The following MYL10 variants were observed in gnomAD, a reference collection of about 807,000 sequenced individuals.
MYL10 encodes myosin light chain 10.
In MYL10, 18 loss-of-function variants were observed where a neutral mutation model predicts 21.9. The observed-to-expected ratio is 0.82, with a 90% CI of 0.57 to 1.22. The LOEUF is 1.22. Ranked by LOEUF, MYL10 falls within the 50% of genes most tolerant of loss-of-function variation. The pLI, the probability that MYL10 is intolerant of heterozygous loss-of-function variation, is 0.00. For synonymous variants in MYL10, 88 were observed against 82.8 expected, an observed-to-expected ratio of 1.06 and a Z score of -0.34; for missense variants, 225 against 230.4, an observed-to-expected ratio of 0.98 and a Z score of 0.15.
chr7:101,622,919 C>A, intron 4 of MYL10, 78 bp downstream of exon 4: 2 of 1,358,032 alleles, frequency 1.5e-6, no homozygotes, highest in Non-Finnish European at 1.0e-6. Flanking sequence ...TCACCGCGAG[C>A]CCTGCCCTGC....
intron 1 of MYL10, among the ~76,000 whole-genome samples, chr7:101,627,159 TGTGGTGGC>T (rs1796755824): frequency 6.8e-6 from 1 of 147,328 alleles, no homozygotes; most frequent in South Asian, 2.1e-4. Context: ...AATAGCCATG[TGTGGTGGC>T]GGGCGCCTGT....
chr7:101,623,174 G>A, intron 3 of MYL10, 102 bp from the exon 4 acceptor site: 1 of 1,074,922 alleles, frequency 9.3e-7, no homozygotes, highest in East Asian at 2.6e-5. Context: ...GAGCCTCGGG[G>A]CAGGTCCCTC....
chr7:101,618,501 C>T (rs1282469668), intron 5 of MYL10, among the ~76,000 whole-genome samples: 1 of 152,206 alleles, frequency 6.6e-6, no homozygotes, highest in Non-Finnish European at 1.5e-5. Context: ...ATTTAGGCAC[C>T]CAGCGCAGCC....
At chr7:101,622,427 C>A (rs780990077) in intron 4 of MYL10, among the ~76,000 whole-genome samples, 1 of 152,138 alleles carries the variant, frequency 6.6e-6, no homozygotes, top group Non-Finnish European at 1.5e-5. Flanking sequence ...CCCCATTTTA[C>A]GGTGAAGAAA....
At chr7:101,618,756 T>G (rs985596690) in intron 5 of MYL10, among the ~76,000 whole-genome samples, 1 of 152,006 alleles carries the variant, frequency 6.6e-6, no homozygotes, top group Non-Finnish European at 1.5e-5. Flanking sequence ...TCTGGCCACG[T>G]CTGCATGACA....
intron 5 of MYL10, among the ~76,000 whole-genome samples, chr7:101,620,378 G>A (rs1225286111): frequency 6.6e-6 from 1 of 152,120 alleles, no homozygotes; most frequent in African/African-American, 2.4e-5. Flanking sequence ...AAATAGAAGA[G>A]GGCGGGGCCA....
intron 3 of MYL10, among the ~76,000 whole-genome samples, 159 bp downstream of exon 3, chr7:101,623,761 C>G (rs1014810473): frequency 4.6e-5 from 7 of 150,564 alleles, no homozygotes; most frequent in Non-Finnish European, 1.0e-4. Flanking sequence ...GGCACTGTGG[C>G]TCACGTCTGT....
Position 101,624,387 on chromosome 7 carries a change from C to T in MYL10, c.79-123G>A, listed in dbSNP as rs141857319. ...ACCGCTTTGCCCTTCCCGGTGCCTA[C>T]AGCAGACAGACAAGGCTACCCCTGA... On this transcript the variant is annotated intron_variant, in intron 1 of 7. Coordinates refer to ENST00000223167, the MANE Select transcript of MYL10 (RefSeq NM_138403.5). 202 of 667,738 alleles carry T rather than the reference C, an allele frequency of 3.0e-4. 1 individual carries two copies. Among genetic ancestry groups the T allele is most frequent in the Non-Finnish European group, 4.5e-4 (174 of 390,706 alleles). The allele number at this position is 667,738 out of a possible 1,614,324, so 41.4% of individuals were successfully genotyped here. A position where few individuals can be genotyped will look rare whatever the true frequency, so the allele number is the denominator to read the frequency against.
chr7:101,627,217 C>T (rs1051353842), intron 1 of MYL10, among the ~76,000 whole-genome samples: 3 of 151,714 alleles, frequency 2.0e-5, no homozygotes, highest in Admixed American at 1.3e-4. Flanking sequence ...GAACCTCACT[C>T]GAAGCCAGGA....
chr7:101,621,148 C>T (rs1796672718), intron 5 of MYL10, among the ~76,000 whole-genome samples: 1 of 152,040 alleles, frequency 6.6e-6, no homozygotes, highest in South Asian at 2.1e-4. Flanking sequence ...TGGGAGAGCT[C>T]CCCCGAGGCC....
intron 1 of MYL10, among the ~76,000 whole-genome samples, chr7:101,624,551 GA>G (rs1330608564): frequency 7.9e-5 from 12 of 152,218 alleles, no homozygotes; most frequent in Non-Finnish European, 1.5e-4. Flanking sequence ...CCGTGCTGCA[GA>G]ACAGAGGCGG....
At chr7:101,615,259 C>CA (rs1218564182) in intron 6 of MYL10, among the ~76,000 whole-genome samples, 2 of 152,148 alleles carry the variant, frequency 1.3e-5, no homozygotes, top group Non-Finnish European at 2.9e-5. Context: ...ATCCTATGGG[C>CA]ACTGGCCCCT....
At chr7:101,615,134 G>C (rs1422820548) in intron 6 of MYL10, among the ~76,000 whole-genome samples, 5 of 152,254 alleles carry the variant, frequency 3.3e-5, no homozygotes, top group Non-Finnish European at 5.9e-5. Context: ...GCTGCCTGCA[G>C]CCACTTCCCC....
intron 6 of MYL10, among the ~76,000 whole-genome samples, chr7:101,614,769 G>C (rs151152855): frequency 1.3e-5 from 2 of 152,100 alleles, no homozygotes; most frequent in African/African-American, 4.8e-5. Flanking sequence ...TGTGTGAGAC[G>C]GGACAGACCC....
At chr7:101,626,085 T>G (rs896048170) in intron 1 of MYL10, among the ~76,000 whole-genome samples, 19 of 152,190 alleles carry the variant, frequency 1.2e-4, no homozygotes, top group African/African-American at 4.3e-4. Context: ...AAAATAAAAT[T>G]CCCCTGAAAG....
At chr7:101,626,026 C>G (rs1228469985) in intron 1 of MYL10, among the ~76,000 whole-genome samples, 4 of 151,914 alleles carry the variant, frequency 2.6e-5, no homozygotes, top group Non-Finnish European at 5.9e-5. Flanking sequence ...ACCCTAGGGT[C>G]TTTGCAGCCC....
At chr7:101,624,073 G>A in intron 2 of MYL10, 52 bp from the exon 3 acceptor site, 1 of 745,040 alleles carries the variant, frequency 1.3e-6, no homozygotes. Flanking sequence ...GACATCTTCA[G>A]CCCCTCGAGA....
intron 6 of MYL10, among the ~76,000 whole-genome samples, chr7:101,614,174 G>A (rs1462453627): frequency 6.6e-6 from 1 of 152,106 alleles, no homozygotes; most frequent in East Asian, 1.9e-4. Flanking sequence ...CCAGGTCCGT[G>A]TCCTCCTGGG....
intron 5 of MYL10, among the ~76,000 whole-genome samples, chr7:101,617,198 A>G (rs1413057588): frequency 2.0e-5 from 3 of 152,200 alleles, no homozygotes; most frequent in African/African-American, 7.2e-5. Context: ...CAAATGTGTC[A>G]TTGGTGAAAG....
Sources: allele counts gnomAD v4.1 joint callset (sites outside exome capture counted in the v4.1 genomes callset), GRCh38; gene constraint gnomAD v4.1.1; transcripts MANE v1.5; gene names NCBI Gene and HGNC (gene_info 2026-07-23, HGNC 2026-07-21).